The following STK39 variants were observed in gnomAD, a reference collection of about 807,000 sequenced individuals.
The protein encoded by STK39 is STE20/SPS1-related proline-alanine-rich protein kinase.
A neutral mutation model predicts 77.8 loss-of-function variants in STK39; 20 were observed. The ratio of observed to expected loss-of-function variants is 0.26; its 90% CI spans 0.18 to 0.37. The LOEUF (loss-of-function observed/expected upper bound fraction) is 0.37, where lower values mean the gene tolerates loss of function less well. Ranked by LOEUF, STK39 falls within the 10% of genes least tolerant of loss-of-function variation. The pLI, the probability that STK39 is intolerant of heterozygous loss-of-function variation, is 1.00. For missense variants in STK39, 479 were observed against 656.5 expected, an observed-to-expected ratio of 0.73 and a Z score of 2.95; for synonymous variants, 246 against 234.1, an observed-to-expected ratio of 1.05 and a Z score of -0.47.
At chr2:168,243,830 AAACT>A (rs1690833805) in intron 1 of STK39, among the ~76,000 whole-genome samples, 1 of 152,164 alleles carries the variant, frequency 6.6e-6, no homozygotes, top group Non-Finnish European at 1.5e-5. Flanking sequence ...CCCAACAAAT[AAACT>A]AAGTTTTCAA....
intron 15 of STK39, among the ~76,000 whole-genome samples, chr2:168,013,358 T>C (rs903135542): frequency 1.8e-4 from 28 of 152,322 alleles, no homozygotes; most frequent in Middle Eastern, 6.8e-3. Flanking sequence ...CTGCGGCAAG[T>C]GAATACAGCT....
At chr2:168,214,363 T>G (rs115045682) in intron 1 of STK39, among the ~76,000 whole-genome samples, 87 of 152,338 alleles carry the variant, frequency 5.7e-4, no homozygotes, top group African/African-American at 2.0e-3. Context: ...GATCACATAT[T>G]GTTTAATTCC....
intron 5 of STK39, among the ~76,000 whole-genome samples, chr2:168,158,987 G>A (rs1166934080): frequency 1.3e-5 from 2 of 152,060 alleles, no homozygotes; most frequent in African/African-American, 4.8e-5. Flanking sequence ...TCTAAATCAG[G>A]CCCTTTAATC....
chr2:168,147,357 A>G (rs1453005268), intron 5 of STK39, among the ~76,000 whole-genome samples: 1 of 152,226 alleles, frequency 6.6e-6, no homozygotes. Context: ...CGAGTCCCAC[A>G]GGTTTCCTTA....
At chr2:168,127,821 T>G (rs1687584528) in intron 10 of STK39, among the ~76,000 whole-genome samples, 2 of 152,202 alleles carry the variant, frequency 1.3e-5, no homozygotes, top group Non-Finnish European at 2.9e-5. Flanking sequence ...AGAAATTTAT[T>G]GCAATTGTCC....
At chr2:168,195,824 C>T (rs1234944981) in intron 1 of STK39, among the ~76,000 whole-genome samples, 1 of 152,162 alleles carries the variant, frequency 6.6e-6, no homozygotes, top group Non-Finnish European at 1.5e-5. Context: ...CAAGACCAGC[C>T]TGGCCAACAC....
intron 1 of STK39, among the ~76,000 whole-genome samples, chr2:168,185,515 C>T (rs1471346618): frequency 2.0e-5 from 3 of 152,246 alleles, no homozygotes; most frequent in East Asian, 3.9e-4. Flanking sequence ...CTCATTTTCC[C>T]CTCTGTACTG....
At position 167,955,310 on chromosome 2, in the gene STK39, T is replaced by C; in HGVS notation, c.*186A>G. 1.9e-6 allele frequency: 1 copy of C among 525,230 alleles called. No individual in the cohort carries two copies. The highest frequency in any genetic ancestry group is 2.6e-5 in the South Asian group (1 of 38,376). The allele number at this position is 525,230 out of a possible 1,614,324, so 32.5% of individuals were successfully genotyped here. On this transcript the variant is annotated 3_prime_UTR_variant, in exon 18 of 18. Transcript: ENST00000355999. ...CTAGAGAATAAAGCAGAACTCGGAG[T>C]GTTGTAAGTTTTAAAAAATTATTTT...
chr2:168,030,159 G>C (rs1684799661), intron 14 of STK39, among the ~76,000 whole-genome samples: 1 of 152,164 alleles, frequency 6.6e-6, no homozygotes, highest in African/African-American at 2.4e-5. Flanking sequence ...AGAATGGCAT[G>C]AATCTGGGAG....
chr2:168,242,560 A>AATAT (rs59941306), intron 1 of STK39, among the ~76,000 whole-genome samples: 33 of 44,854 alleles, frequency 7.4e-4, no homozygotes, highest in African/African-American at 1.9e-3. Context: ...AAAAAAAAAA[A>AATAT]ATATATATAT....
At chr2:168,034,229 C>CT (rs1449367320) in intron 14 of STK39, among the ~76,000 whole-genome samples, 3 of 152,174 alleles carry the variant, frequency 2.0e-5, no homozygotes, top group Admixed American at 1.3e-4. Context: ...GACTGACACT[C>CT]TGGCTTGGGG....
rs186729158 is a variant in STK39, at chr2:168,059,930, C to T, written c.1376+3570G>A. Reference sequence around the variant, plus strand: ...AGCTCCTTTAGGGCAAGAAGTCTGCCTTTTCTTTTTTCTACTGGTACATTA... The same window carrying T: ...AGCTCCTTTAGGGCAAGAAGTCTGCTTTTTCTTTTTTCTACTGGTACATTA... On this transcript the variant is annotated intron_variant, in intron 14 of 17. Transcript: ENST00000355999. Among the ~76,000 whole-genome samples the T allele has an allele frequency of 8.7e-3, 1,331 of 152,222 alleles. 12 individuals carry two copies. The highest frequency in any genetic ancestry group is 0.012 in the Admixed American group (184 of 15,272).
chr2:167,981,459 T>G (rs1683415213), intron 16 of STK39, among the ~76,000 whole-genome samples: 1 of 152,230 alleles, frequency 6.6e-6, no homozygotes, highest in African/African-American at 2.4e-5. Flanking sequence ...GAGTATTTTA[T>G]ATAGTTTCTC....
At chr2:168,159,944 C>A (rs570252339) in intron 5 of STK39, among the ~76,000 whole-genome samples, 117 of 152,284 alleles carry the variant, frequency 7.7e-4, no homozygotes, top group Non-Finnish European at 2.6e-4. Flanking sequence ...CCGCACAGTG[C>A]AGGCACGTAC....
intron 10 of STK39, among the ~76,000 whole-genome samples, chr2:168,088,850 C>T (rs1686440239): frequency 6.6e-6 from 1 of 152,202 alleles, no homozygotes; most frequent in South Asian, 2.1e-4. Context: ...ATAACCCTCT[C>T]TCCTCCTATC....
rs184962503 is a variant in STK39 at position 168,058,236 on chromosome 2, C to A, written c.1376+5264G>T. On this transcript the variant is annotated intron_variant, in intron 14 of 17. Coordinates refer to ENST00000355999, the MANE Select transcript of STK39 (RefSeq NM_013233.3). ...TCTTGCCAAGGTCAAGCATGTGCTT[C>A]ATTTTGCAAATATACTTGACCTATT... Among the ~76,000 whole-genome samples the A allele has an allele frequency of 2.9e-3, 436 of 152,342 alleles. 1 individual carries two copies. The highest frequency in any genetic ancestry group is 0.01 in the African/African-American group (416 of 41,594).
chr2:168,056,608 C>T (rs532300636), intron 14 of STK39, among the ~76,000 whole-genome samples: 1 of 152,224 alleles, frequency 6.6e-6, no homozygotes, highest in South Asian at 2.1e-4. Flanking sequence ...TACCCGGCAG[C>T]CACGCATCAC....
intron 5 of STK39, among the ~76,000 whole-genome samples, chr2:168,150,413 A>G (rs1467071276): frequency 1.3e-5 from 2 of 152,182 alleles, no homozygotes; most frequent in African/African-American, 2.4e-5. Context: ...ATTCATATAC[A>G]TGGCACACCT....
intron 10 of STK39, among the ~76,000 whole-genome samples, chr2:168,121,931 G>A (rs984873172): frequency 9.2e-5 from 14 of 152,212 alleles, no homozygotes; most frequent in African/African-American, 3.4e-4. Context: ...TACAGATATA[G>A]CTCTTGCTGT....
Sources: gnomAD v4.1 joint callset for allele counts (sites outside exome capture counted in the v4.1 genomes callset) on GRCh38, gnomAD v4.1.1 for gene constraint, MANE v1.5 for transcripts, NCBI Gene and HGNC (gene_info 2026-07-23, HGNC 2026-07-21) for gene names.